CTNND2: variants seen among roughly 807,000 people sequenced by gnomAD.
The protein encoded by CTNND2 is catenin delta-2.
A neutral mutation model predicts 144.4 loss-of-function variants in CTNND2; 22 were observed. The ratio of observed to expected loss-of-function variants is 0.15; its 90% CI spans 0.11 to 0.22. The LOEUF (loss-of-function observed/expected upper bound fraction) is 0.22, where lower values mean the gene tolerates loss of function less well. Ranked by LOEUF, CTNND2 falls within the 10% of genes least tolerant of loss-of-function variation. The pLI is 1.00. For synonymous variants in CTNND2, 751 were observed against 695.6 expected (o/e 1.08, Z -1.25); for missense variants, 1,353 against 1,618.8 (o/e 0.84, Z 2.82).
chr5:11,579,525 A>C (rs1362957105), intron 2 of CTNND2, among the ~76,000 whole-genome samples: 1 of 152,192 alleles, frequency 6.6e-6, no homozygotes, highest in Admixed American at 6.5e-5. Context: ...GGAAAAAATA[A>C]AAGATTCACA....
chr5:11,639,080 T>C (rs1169236610), intron 2 of CTNND2, among the ~76,000 whole-genome samples: 1 of 151,954 alleles, frequency 6.6e-6, no homozygotes, highest in Admixed American at 6.6e-5. Context: ...GATTTTGCCC[T>C]CCAGGAGACA....
chr5:11,063,207 T>TA (rs1317879449), intron 16 of CTNND2, among the ~76,000 whole-genome samples: 1 of 151,888 alleles, frequency 6.6e-6, no homozygotes, highest in Non-Finnish European at 1.5e-5. Flanking sequence ...TTTAAATCTA[T>TA]AAAAACAACA....
chr5:11,112,314 G>A (rs1292897355), intron 13 of CTNND2, among the ~76,000 whole-genome samples: 1 of 152,178 alleles, frequency 6.6e-6, no homozygotes, highest in Non-Finnish European at 1.5e-5. Flanking sequence ...GAGGAAGTCA[G>A]GAGAGTCACA....
chr5:11,714,826 A>G (rs1168957106), intron 2 of CTNND2, among the ~76,000 whole-genome samples: 2 of 151,628 alleles, frequency 1.3e-5, no homozygotes, highest in East Asian at 1.9e-4. Context: ...GGAGAATGGC[A>G]TGAACCCGGG....
At chr5:11,095,497 C>A (rs908798443) in intron 15 of CTNND2, among the ~76,000 whole-genome samples, 2 of 152,172 alleles carry the variant, frequency 1.3e-5, no homozygotes, top group Non-Finnish European at 2.9e-5. Context: ...ACACTGCAAC[C>A]CTCAAGGAAG....
chr5:11,685,860 T>C (rs993197), intron 2 of CTNND2, among the ~76,000 whole-genome samples: 152,312 of 152,314 alleles, frequency 1, 76,155 homozygotes, highest in Non-Finnish European at 1. Context: ...CTTTACATTC[T>C]CTAAGAATAA....
chr5:11,732,204 T>A lies in CTNND2; in HGVS notation c.106A>T (p.Asn36Tyr), dbSNP rs1266227211. The A allele has an allele frequency of 6.2e-7, 1 of 1,613,858 alleles. No homozygotes were observed. The highest frequency in any genetic ancestry group is 8.5e-7 in the Non-Finnish European group (1 of 1,179,924). The part of the protein sequence containing the change: ...EKTSSLSPGL[N>Y]TSNGDGSETE... Reference sequence around the variant, plus strand: ...TCAGAGCCATCCCCGTTGGAGGTGTTTAAGCCGGGGCTCAGGGAACTCGTC... The same window carrying A: ...TCAGAGCCATCCCCGTTGGAGGTGTATAAGCCGGGGCTCAGGGAACTCGTC... Residue 36 changes from asparagine (N) to tyrosine (Y), a missense_variant, in exon 2 of 22, where the codon AAC becomes TAC. This residue lies in a region of CTNND2 where 708 missense variants were observed against 706.4 expected (regional missense o/e 1.00). Coordinates refer to ENST00000304623, the MANE Select transcript of CTNND2 (RefSeq NM_001332.4).
rs569374628 is a variant in CTNND2 at position 11,299,794 on chromosome 5, G to A, written c.1628+46578C>T. On this transcript the variant is annotated intron_variant, in intron 9 of 21. Transcript: ENST00000304623. ...GGAGCCTGGGCCAGCCACAAAGAAG[G>A]CCTTGACATTTGCAGATCTGAAGTC... Among the ~76,000 whole-genome samples the A allele has an allele frequency of 5.9e-5, 9 of 152,280 alleles. No homozygotes were observed. In the South Asian group the frequency reaches 1.9e-3, roughly 32 times the overall value.
At chr5:11,296,655 A>G (rs1354353420) in intron 9 of CTNND2, among the ~76,000 whole-genome samples, 2 of 152,338 alleles carry the variant, frequency 1.3e-5, no homozygotes, top group East Asian at 3.9e-4. Flanking sequence ...ATGCAGCCAT[A>G]AAAAATGATG....
chr5:11,202,085 GA>G (rs1416951693), intron 10 of CTNND2, among the ~76,000 whole-genome samples: 1 of 152,118 alleles, frequency 6.6e-6, no homozygotes, highest in Non-Finnish European at 1.5e-5. Context: ...TGAAACCATT[GA>G]AAAGAGATAA....
chr5:11,553,621 A>G (rs1202463869), intron 3 of CTNND2, among the ~76,000 whole-genome samples: 1 of 152,220 alleles, frequency 6.6e-6, no homozygotes, highest in Admixed American at 6.5e-5. Context: ...GAAATATCAT[A>G]AAAACATAAC....
chr5:11,470,980 A>ATATATATATATATATTTT (rs1219093645), intron 3 of CTNND2, among the ~76,000 whole-genome samples: 6 of 91,576 alleles, frequency 6.6e-5, no homozygotes, highest in African/African-American at 1.7e-4. Context: ...ATATATATAT[A>ATATATATATATATATTTT]TTTTTTTTTT....
intron 1 of CTNND2, among the ~76,000 whole-genome samples, chr5:11,846,208 A>C (rs1217484947): frequency 6.6e-6 from 1 of 152,210 alleles, no homozygotes; most frequent in Non-Finnish European, 1.5e-5. Flanking sequence ...AATGTCAGTC[A>C]ATAAAAACAG....
intron 3 of CTNND2, among the ~76,000 whole-genome samples, chr5:11,439,788 C>CTATA (rs1764102297): frequency 7.2e-6 from 1 of 139,040 alleles, no homozygotes; most frequent in Non-Finnish European, 1.6e-5. Context: ...ATCTATCTAT[C>CTATA]TATCTATCTA....
intron 1 of CTNND2, among the ~76,000 whole-genome samples, chr5:11,850,387 T>C (rs960792870): frequency 1.3e-5 from 2 of 152,164 alleles, no homozygotes; most frequent in African/African-American, 4.8e-5. Flanking sequence ...TAATAGGTAA[T>C]AAAGTAGCTA....
chr5:11,109,455 A>G (rs1245242302), intron 14 of CTNND2, among the ~76,000 whole-genome samples: 1 of 152,150 alleles, frequency 6.6e-6, no homozygotes, highest in African/African-American at 2.4e-5. Context: ...GTGTCTTTTT[A>G]AGGTCAAGAA....
At chr5:10,995,721 AG>A (rs1739269938) in intron 18 of CTNND2, among the ~76,000 whole-genome samples, 1 of 152,168 alleles carries the variant, frequency 6.6e-6, no homozygotes, top group South Asian at 2.1e-4. Context: ...TAGGAGAGAA[AG>A]GGAAAAATGG....
intron 3 of CTNND2, among the ~76,000 whole-genome samples, chr5:11,436,988 C>A (rs6893573): frequency 0.027 from 4,163 of 152,152 alleles, 198 homozygotes; most frequent in African/African-American, 0.093. Context: ...CATATTTTCC[C>A]AATATTGAAA....
At chr5:11,638,364 T>TA (rs1051233212) in intron 2 of CTNND2, among the ~76,000 whole-genome samples, 1 of 152,134 alleles carries the variant, frequency 6.6e-6, no homozygotes, top group South Asian at 2.1e-4. Context: ...TATTGCTTTA[T>TA]AAAAAAATAG....
Sources: gnomAD v4.1 joint callset for allele counts (sites outside exome capture counted in the v4.1 genomes callset) on GRCh38, gnomAD v4.1.1 for gene constraint, gnomAD v4.1.1 regional missense constraint, MANE v1.5 for transcripts, NCBI Gene and HGNC (gene_info 2026-07-23, HGNC 2026-07-21) for gene names.